RAD51B: variants seen among roughly 807,000 people sequenced by gnomAD.
The protein encoded by RAD51B is DNA repair protein RAD51 homolog 2.
A neutral mutation model predicts 42.2 loss-of-function variants in RAD51B; 38 were observed. That is an observed-to-expected ratio of 0.90 (90% CI 0.70 to 1.18). RAD51B has a LOEUF of 1.18. Among genes scored for constraint, RAD51B ranks in the 50% most tolerant of loss-of-function variants. The pLI is 0.00. For missense variants in RAD51B, 373 were observed against 400.7 expected (o/e 0.93, Z 0.59); for synonymous variants, 154 against 145.2 (o/e 1.06, Z -0.43).
intron 7 of RAD51B, among the ~76,000 whole-genome samples, chr14:67,990,681 G>GAACT (rs1170988427): frequency 6.6e-6 from 1 of 152,110 alleles, no homozygotes. Flanking sequence ...TATTGCCTAA[G>GAACT]AACTAAACAG....
At chr14:68,183,345 G>C (rs1756271906) in intron 7 of RAD51B, among the ~76,000 whole-genome samples, 1 of 131,234 alleles carries the variant, frequency 7.6e-6, no homozygotes, top group African/African-American at 2.9e-5. Flanking sequence ...AGCGCAGGAA[G>C]CATCCAGCAC....
At position 68,117,684 on chromosome 14, in the gene RAD51B, A is replaced by G. The variant is rs11846544; in HGVS notation, c.757-174200A>G. On this transcript the variant is annotated intron_variant, in intron 7 of 10. Coordinates refer to ENST00000471583, the MANE Select transcript of RAD51B (RefSeq NM_133510.4). ...GAGACATGACAAATTATTGCATTCA[A>G]TTAACTTTTCTTTTACTTACTGAGT... Among the ~76,000 whole-genome samples, 734 of 152,378 alleles carry G rather than the reference A, an allele frequency of 4.8e-3. 3 individuals are homozygous for G. Among genetic ancestry groups the G allele is most frequent in the African/African-American group, 0.017 (700 of 41,598 alleles).
At chr14:67,883,064 T>C (rs1824572682) in intron 5 of RAD51B, among the ~76,000 whole-genome samples, 1 of 152,188 alleles carries the variant, frequency 6.6e-6, no homozygotes, top group African/African-American at 2.4e-5. Flanking sequence ...TTTCAGCTCC[T>C]CTTTTGAACT....
chr14:68,260,308 T>TGGGGGGC, intron 7 of RAD51B, among the ~76,000 whole-genome samples: 2 of 128,754 alleles, frequency 1.6e-5, no homozygotes, highest in South Asian at 2.2e-4. Flanking sequence ...CGTGTGTGTG[T>TGGGGGGC]GTGTGTGTGT....
chr14:68,589,107 C>CAT (rs1296755516), intron 10 of RAD51B, among the ~76,000 whole-genome samples: 1 of 152,204 alleles, frequency 6.6e-6, no homozygotes, highest in Non-Finnish European at 1.5e-5. Context: ...GACAGCCATG[C>CAT]ATGTCTCCAC....
At chr14:68,020,576 G>C (rs897976655) in intron 7 of RAD51B, among the ~76,000 whole-genome samples, 4 of 152,000 alleles carry the variant, frequency 2.6e-5, no homozygotes, top group Non-Finnish European at 5.9e-5. Context: ...AACATTTTTG[G>C]TGTATATCTG....
intron 10 of RAD51B, among the ~76,000 whole-genome samples, chr14:68,518,339 G>C (rs990326137): frequency 6.6e-6 from 1 of 152,228 alleles, no homozygotes. Flanking sequence ...TCTTTGGCAA[G>C]TGATTGCGTA....
At chr14:67,860,879 A>G (rs1301461073) in intron 4 of RAD51B, among the ~76,000 whole-genome samples, 1 of 152,168 alleles carries the variant, frequency 6.6e-6, no homozygotes, top group Non-Finnish European at 1.5e-5. Flanking sequence ...TATGGTATTA[A>G]TGTTGTTAAT....
At chr14:67,820,871 G>A (rs1365320652) in intron 1 of RAD51B, among the ~76,000 whole-genome samples, 3 of 152,046 alleles carry the variant, frequency 2.0e-5, no homozygotes, top group Non-Finnish European at 2.9e-5. Context: ...GTAAAACAAG[G>A]GTTTTAAGGA....
chr14:68,059,636 C>T (rs2076537828), intron 7 of RAD51B, among the ~76,000 whole-genome samples: 1 of 152,196 alleles, frequency 6.6e-6, no homozygotes, highest in South Asian at 2.1e-4. Context: ...CCTTCCATGA[C>T]ATCCTGTTTC....
At chr14:68,087,510 C>T (rs909380315) in intron 7 of RAD51B, among the ~76,000 whole-genome samples, 1 of 151,984 alleles carries the variant, frequency 6.6e-6, no homozygotes, top group African/African-American at 2.4e-5. Flanking sequence ...GCTTAGAAAA[C>T]CATTCTGTTC....
chr14:68,048,922 G>T (rs1483407931), intron 7 of RAD51B, among the ~76,000 whole-genome samples: 1 of 152,080 alleles, frequency 6.6e-6, no homozygotes, highest in South Asian at 2.1e-4. Flanking sequence ...TGTTTATTGC[G>T]GTACTATTCA....
chr14:68,682,839 T>A (rs72729583), intron 11 of RAD51B: 1 of 721,874 alleles, frequency 1.4e-6, no homozygotes, highest in African/African-American at 2.0e-5. Context: ...AAATGGAATC[T>A]CTGAAGGATT....
chr14:68,439,617 T>A (rs2085237424), intron 9 of RAD51B, among the ~76,000 whole-genome samples: 2 of 152,164 alleles, frequency 1.3e-5, no homozygotes, highest in African/African-American at 4.8e-5. Context: ...TGGTTCTCCA[T>A]CCCTCAGAGT....
intron 10 of RAD51B, among the ~76,000 whole-genome samples, chr14:68,632,001 T>C (rs2140123388): frequency 1.3e-5 from 2 of 152,320 alleles, no homozygotes; most frequent in Admixed American, 1.3e-4. Flanking sequence ...CAGGAAGGAA[T>C]GCTGCGTTCT....
At chr14:68,144,148 A>G (rs1332908240) in intron 7 of RAD51B, among the ~76,000 whole-genome samples, 1 of 152,202 alleles carries the variant, frequency 6.6e-6, no homozygotes, top group Non-Finnish European at 1.5e-5. Context: ...CACTTTCTCA[A>G]TTCTGACAGT....
chr14:68,392,155 C>T (rs544910302), intron 8 of RAD51B, among the ~76,000 whole-genome samples: 5 of 152,266 alleles, frequency 3.3e-5, no homozygotes, highest in African/African-American at 1.2e-4. Flanking sequence ...GAGGAAGGTA[C>T]ATCAATGTTA....
At chr14:68,621,711 A>C (rs941650500) in intron 10 of RAD51B, among the ~76,000 whole-genome samples, 1 of 152,250 alleles carries the variant, frequency 6.6e-6, no homozygotes, top group African/African-American at 2.4e-5. Context: ...TAAGCTCCCA[A>C]AGCAGAAAAA....
chr14:67,969,502 C>A (rs750261469), intron 7 of RAD51B, among the ~76,000 whole-genome samples: 5 of 152,102 alleles, frequency 3.3e-5, no homozygotes, highest in Non-Finnish European at 5.9e-5. Context: ...TCCATTGCTT[C>A]TGTTTAGCAT....
Sources: gnomAD v4.1 joint callset for allele counts (sites outside exome capture counted in the v4.1 genomes callset) on GRCh38, gnomAD v4.1.1 for gene constraint, MANE v1.5 for transcripts, NCBI Gene and HGNC (gene_info 2026-07-23, HGNC 2026-07-21) for gene names.